Variants in UTRN observed in about 807,000 individuals in gnomAD.
UTRN encodes utrophin, also known as dystrophin-related protein 1.
A neutral mutation model predicts 463.9 loss-of-function variants in UTRN; 283 were observed. The observed-to-expected ratio is 0.61, with a 90% CI of 0.55 to 0.67. UTRN has a LOEUF of 0.67. Ranked by LOEUF, UTRN falls within the 30% of genes least tolerant of loss-of-function variation. The pLI, the probability that UTRN is intolerant of heterozygous loss-of-function variation, is 0.00. For missense variants in UTRN, 3,922 were observed against 4,084.3 expected (o/e 0.96, Z 1.08); for synonymous variants, 1,442 against 1,431.5 (o/e 1.01, Z -0.17).
chr6:144,772,583 A>G (rs1794194571), intron 59 of UTRN, among the ~76,000 whole-genome samples: 1 of 152,198 alleles, frequency 6.6e-6, no homozygotes, highest in South Asian at 2.1e-4. Context: ...TTTGCACGCA[A>G]AAAATATATA....
chr6:144,443,075 T>C (rs1454278569), intron 13 of UTRN, among the ~76,000 whole-genome samples: 1 of 152,244 alleles, frequency 6.6e-6, no homozygotes, highest in East Asian at 1.9e-4. Flanking sequence ...CCAAAATTGC[T>C]TCTTTTTGCA....
In UTRN at chr6:144,554,790, A is replaced by G. The variant is rs762501391; in HGVS notation, c.7031A>G (p.His2344Arg). 5.0e-6 allele frequency: 8 copies of G among 1,614,122 alleles called. No homozygotes were observed. The East Asian group carries it at 6.7e-5, about 13-fold the overall frequency. Residue 2344 changes from histidine (H) to arginine (R), a missense_variant, in exon 49 of 75, where the codon CAT (histidine) becomes CGT (arginine). Transcript: ENST00000367545. ...MIIDSLQWDDHREETEELMRK... is the reference protein window; with the variant it reads ...MIIDSLQWDDRREETEELMRK... ...ATTGACAGTCTTCAGTGGGATGACC[A>G]TAGGGAGGAGACTGAAGAACTGATG...
intron 54 of UTRN, among the ~76,000 whole-genome samples, chr6:144,738,347 C>T (rs1179065532): frequency 6.6e-6 from 1 of 152,178 alleles, no homozygotes; most frequent in African/African-American, 2.4e-5. Context: ...TGAAGCTGTG[C>T]AAGACAACAG....
At position 144,521,989 on chromosome 6, in the gene UTRN, A is replaced by T; in HGVS notation, c.5551A>T (p.Ile1851Phe). The T allele has an allele frequency of 1.3e-6, 2 of 1,555,288 alleles. No individual in the cohort carries two copies. Among genetic ancestry groups the T allele is most frequent in the South Asian group, 2.5e-5 (2 of 79,890 alleles). The change falls in exon 40 of 75, where the codon ATT (isoleucine) becomes TTT (phenylalanine). Residue 1851 changes from isoleucine to phenylalanine, a missense_variant. Transcript: ENST00000367545. ...TRYNKIKAIP[I>F]QQRKMGQLAS... ...TTTGCTGTTTTTGTAGGCAATCCCT[A>T]TTCAACAGAGGAAAATGGGTCAACT...
In UTRN at chr6:144,500,751, C is replaced by A. The variant is rs1794098697; in HGVS notation, c.4764+1324C>A. Among the ~76,000 whole-genome samples the A allele has an allele frequency of 2.0e-5, 3 of 152,112 alleles. No individual in the cohort carries two copies. In the South Asian group the frequency reaches 6.2e-4, roughly 32 times the overall value. Reference sequence around the variant, plus strand: ...AAATCAATACAAGAGTTTTCTTTAACCCTGTACTTTGAAATCACAGAGATT... The same window carrying A: ...AAATCAATACAAGAGTTTTCTTTAAACCTGTACTTTGAAATCACAGAGATT... On this transcript the variant is annotated intron_variant, in intron 34 of 74. Transcript: ENST00000367545.
At position 144,537,574 on chromosome 6, in the gene UTRN, T is replaced by C. The variant is rs775264270; in HGVS notation, c.6234-8T>C. 1 of 1,528,944 alleles carries C rather than the reference T, an allele frequency of 6.5e-7. No individual in the cohort carries two copies. The highest frequency in any genetic ancestry group is 2.6e-5 in the East Asian group (1 of 38,378). 94.7% of individuals were successfully genotyped at this position (1,528,944 alleles called of 1,614,324 possible). A position where few individuals can be genotyped will look rare whatever the true frequency, so the allele number is the denominator to read the frequency against. On this transcript the variant is annotated splice_region_variant and splice_polypyrimidine_tract_variant and intron_variant, in intron 43 of 74. Coordinates refer to ENST00000367545, the MANE Select transcript of UTRN (RefSeq NM_007124.3). ...TCCTCAATATTTTTAAATAATATAT[T>C]CTTTTAGGCTAAAAGGAGAAAGTAA...
chr6:144,837,783 T>C (rs914471961), intron 71 of UTRN, among the ~76,000 whole-genome samples: 1 of 152,196 alleles, frequency 6.6e-6, no homozygotes, highest in African/African-American at 2.4e-5. Context: ...CAATTCATAA[T>C]TTGACCATAC....
intron 63 of UTRN, among the ~76,000 whole-genome samples, chr6:144,796,693 T>C (rs1445658434): frequency 6.6e-6 from 1 of 152,186 alleles, no homozygotes; most frequent in Non-Finnish European, 1.5e-5. Flanking sequence ...GTTATACATA[T>C]GCATAAAGTA....
intron 51 of UTRN, among the ~76,000 whole-genome samples, chr6:144,663,555 A>AG (rs1350700377): frequency 6.6e-6 from 1 of 152,168 alleles, no homozygotes; most frequent in African/African-American, 2.4e-5. Context: ...GGCCAATTTT[A>AG]GCTCAGTGAC....
chr6:144,577,090 T>G lies in UTRN; in HGVS notation c.7290-9T>G, dbSNP rs1801511499. ...TAATGGAGCCGTGCTGTCATATTGT[T>G]ACTTTCAGTATTGCTGACAGACAGA... On this transcript the variant is annotated splice_polypyrimidine_tract_variant and intron_variant, in intron 50 of 74. Coordinates refer to ENST00000367545, the MANE Select transcript of UTRN (RefSeq NM_007124.3). 1 of 1,612,050 alleles carries G rather than the reference T, an allele frequency of 6.2e-7. No homozygotes were observed. Among genetic ancestry groups the G allele is most frequent in the Non-Finnish European group, 8.5e-7 (1 of 1,178,574 alleles).
At chr6:144,378,142 A>G (rs1780615383) in intron 2 of UTRN, among the ~76,000 whole-genome samples, 1 of 152,240 alleles carries the variant, frequency 6.6e-6, no homozygotes, top group South Asian at 2.1e-4. Context: ...GATGAGAAAA[A>G]CAGTCAGTGG....
chr6:144,631,237 G>GGT (rs67332744), intron 51 of UTRN, among the ~76,000 whole-genome samples: 11,296 of 147,450 alleles, frequency 0.077, 654 homozygotes, highest in African/African-American at 0.17. Context: ...GAGAGAGAGA[G>GGT]GTGTGTGTGT....
chr6:144,370,579 G>A (rs192439291), intron 2 of UTRN, among the ~76,000 whole-genome samples: 87 of 152,300 alleles, frequency 5.7e-4, no homozygotes, highest in African/African-American at 1.9e-3. Flanking sequence ...GGGAGCCCCC[G>A]CACAGAATTC....
intron 6 of UTRN, among the ~76,000 whole-genome samples, chr6:144,425,559 G>A (rs1485762175): frequency 6.6e-6 from 1 of 152,026 alleles, no homozygotes; most frequent in African/African-American, 2.4e-5. Context: ...TTCTACATTA[G>A]TTGGTGTTCT....
At chr6:144,625,173 A>G (rs1292666224) in intron 51 of UTRN, among the ~76,000 whole-genome samples, 1 of 152,178 alleles carries the variant, frequency 6.6e-6, no homozygotes, top group African/African-American at 2.4e-5. Flanking sequence ...TGCCCCCTGT[A>G]AAGAAACCAG....
chr6:144,533,353 G>T (rs570704218), intron 43 of UTRN, 93 bp downstream of exon 43: 8 of 1,507,914 alleles, frequency 5.3e-6, no homozygotes, highest in East Asian at 2.3e-5. Context: ...TTTATTGTTT[G>T]ACATTATAAT....
intron 54 of UTRN, among the ~76,000 whole-genome samples, chr6:144,745,406 T>C (rs1369622554): frequency 1.3e-5 from 2 of 152,194 alleles, no homozygotes; most frequent in Non-Finnish European, 2.9e-5. Flanking sequence ...AAGTTTTTGT[T>C]TTGTTTTTTA....
chr6:144,842,332 C>A (rs1457516431), intron 73 of UTRN, among the ~76,000 whole-genome samples: 1 of 152,082 alleles, frequency 6.6e-6, no homozygotes, highest in Non-Finnish European at 1.5e-5. Flanking sequence ...GTAATTCCAG[C>A]ATTTTGGCAG....
intron 2 of UTRN, among the ~76,000 whole-genome samples, chr6:144,336,595 C>A (rs1310770431): frequency 1.3e-5 from 2 of 152,114 alleles, no homozygotes; most frequent in African/African-American, 4.8e-5. Flanking sequence ...ATTTTCCTTA[C>A]TATGACAGCA....
Sources: allele counts gnomAD v4.1 joint callset (sites outside exome capture counted in the v4.1 genomes callset), GRCh38; gene constraint gnomAD v4.1.1; transcripts MANE v1.5; gene names NCBI Gene and HGNC (gene_info 2026-07-23, HGNC 2026-07-21).